FXN: variants seen among roughly 807,000 people sequenced by gnomAD.
FXN encodes frataxin, also known as frataxin, mitochondrial.
A neutral mutation model predicts 22.4 loss-of-function variants in FXN; 14 were observed. That is an observed-to-expected ratio of 0.62 (90% confidence interval 0.41 to 0.98). The LOEUF (loss-of-function observed/expected upper bound fraction) is 0.98, where lower values mean the gene tolerates loss of function less well. FXN is among the 50% of genes least tolerant of loss of function. The pLI, the probability that FXN is intolerant of heterozygous loss-of-function variation, is 0.00. For synonymous variants in FXN, 120 were observed against 114.1 expected, an observed-to-expected ratio of 1.05 and a Z score of -0.33; for missense variants, 267 against 268.4, an observed-to-expected ratio of 0.99 and a Z score of 0.04.
intron 2 of FXN, among the ~76,000 whole-genome samples, chr9:69,047,537 C>T (rs777189440): frequency 2.2e-4 from 33 of 152,168 alleles, no homozygotes; most frequent in Non-Finnish European, 4.3e-4. Flanking sequence ...TTCAGCCTCT[C>T]GAGAGGCTCC....
Position 69,077,693 on chromosome 9 carries a change from G to A in FXN, c.*4931G>A, listed in dbSNP as rs1832395037. The A allele has an allele frequency of 3.1e-6, 3 of 965,112 alleles. No individual in the cohort carries two copies. Among genetic ancestry groups the A allele is most frequent in the African/African-American group, 3.5e-5 (2 of 56,810 alleles). The allele number at this position is 965,112 out of a possible 1,614,324, so 59.8% of individuals were successfully genotyped here. On this transcript the variant is annotated 3_prime_UTR_variant, in exon 5 of 5. Transcript: ENST00000484259. Reference sequence around the variant, plus strand: ...ACCTGTAATCCCAGCACTTTGAGAGGCTGAGGCAGGTGGATCACCTGAGGT... The same window carrying A: ...ACCTGTAATCCCAGCACTTTGAGAGACTGAGGCAGGTGGATCACCTGAGGT...
intron 1 of FXN, among the ~76,000 whole-genome samples, chr9:69,036,576 T>C (rs1489163346): frequency 1.3e-5 from 2 of 152,218 alleles, no homozygotes; most frequent in Non-Finnish European, 2.9e-5. Context: ...CGCAGAGCTG[T>C]GTGACCTTGG....
chr9:69,050,306 G>A (rs1273216192), intron 2 of FXN, among the ~76,000 whole-genome samples: 2 of 152,196 alleles, frequency 1.3e-5, no homozygotes, highest in Non-Finnish European at 2.9e-5. Flanking sequence ...TACTTGGGCA[G>A]TTTCCAGTTT....
In FXN at chr9:69,037,169, ATC is replaced by A. The variant is rs572917170; in HGVS notation, c.165+1225_165+1226del. 2.5e-4 allele frequency among the ~76,000 whole-genome samples: 38 copies of A among 151,504 alleles called. No individual in the cohort carries two copies. In the South Asian group the frequency reaches 8.0e-3, roughly 32 times the overall value. On this transcript the variant is annotated intron_variant, in intron 1 of 4. Coordinates refer to ENST00000484259, the MANE Select transcript of FXN (RefSeq NM_000144.5). The stretch of plus-strand genomic sequence containing the variant: ...CAGGACGCGGTGGCTCATGCCCATA[ATC>A]TCAGCACTTTGGGAGGCCTAGGAAG...
At chr9:69,042,163 G>A (rs1442432975) in intron 1 of FXN, among the ~76,000 whole-genome samples, 1 of 151,888 alleles carries the variant, frequency 6.6e-6, no homozygotes, top group Non-Finnish European at 1.5e-5. Flanking sequence ...ACTTGAACCC[G>A]GGAGGCGGAG....
chr9:69,078,035 T>C lies in FXN; in HGVS notation c.*5273T>C. 1.0e-6 allele frequency: 1 copy of C among 985,394 alleles called. No homozygotes were observed. The highest frequency in any genetic ancestry group is 1.2e-6 in the Non-Finnish European group (1 of 829,904). The allele number at this position is 985,394 out of a possible 1,614,324, so 61.0% of individuals were successfully genotyped here. On this transcript the variant is annotated 3_prime_UTR_variant, in exon 5 of 5. Transcript: ENST00000484259. ...CAATTACATTCCTTTCCTACCGCAC[T>C]CTATGATGCTAGCTGAGATTTTTCC...
chr9:69,036,145 T>C, intron 1 of FXN, 198 bp downstream of exon 1: 1 of 345,690 alleles, frequency 2.9e-6, no homozygotes, highest in Non-Finnish European at 4.9e-6. Context: ...GCATTTACAC[T>C]GGCTTCTGCT....
At chr9:69,037,055 C>G (rs1041158938) in intron 1 of FXN, among the ~76,000 whole-genome samples, 1 of 152,020 alleles carries the variant, frequency 6.6e-6, no homozygotes, top group Non-Finnish European at 1.5e-5. Context: ...ACTTCCCACA[C>G]GTGTTATTTG....
At chr9:69,044,364 C>T (rs3793451) in intron 1 of FXN, among the ~76,000 whole-genome samples, 9,871 of 152,250 alleles carry the variant, frequency 0.065, 569 homozygotes, top group East Asian at 0.25. Flanking sequence ...CCTCTCACTT[C>T]TTCAGAGACA....
chr9:69,078,562 G>T lies in FXN; in HGVS notation c.*5800G>T, dbSNP rs974986078. ...GGCCAAGTTTCTTAGCCTGAAAAAT[G>T]TGCTTTTCTGACTGAACTGTTCAGG... On this transcript the variant is annotated 3_prime_UTR_variant, in exon 5 of 5. Transcript: ENST00000484259. The T allele has an allele frequency of 8.4e-5, 83 of 985,440 alleles. 1 individual carries two copies. Among genetic ancestry groups the T allele is most frequent in the Non-Finnish European group, 1.0e-4 (83 of 829,940 alleles). The allele number at this position is 985,440 out of a possible 1,614,324, so 61.0% of individuals were successfully genotyped here.
At chr9:69,042,162 C>T (rs545462786) in intron 1 of FXN, among the ~76,000 whole-genome samples, 3 of 151,218 alleles carry the variant, frequency 2.0e-5, no homozygotes, top group African/African-American at 7.3e-5. Context: ...CACTTGAACC[C>T]GGGAGGCGGA....
chr9:69,077,925 C>T lies in FXN; in HGVS notation c.*5163C>T, dbSNP rs1832400757. The T allele has an allele frequency of 1.0e-6, 1 of 979,330 alleles. No individual in the cohort carries two copies. The highest frequency in any genetic ancestry group is 1.2e-6 in the Non-Finnish European group (1 of 824,564). The allele number at this position is 979,330 out of a possible 1,614,324, so 60.7% of individuals were successfully genotyped here. ...AGCCTGGGTGACAAGAGGGAAACTC[C>T]ATTAAAAAAATGTAATTCCCGTGTC... On this transcript the variant is annotated 3_prime_UTR_variant, in exon 5 of 5. Coordinates refer to ENST00000484259, the MANE Select transcript of FXN (RefSeq NM_000144.5).
At position 69,078,963 on chromosome 9, in the gene FXN, C is replaced by A; in HGVS notation, c.*6201C>A. The A allele has an allele frequency of 1.1e-6, 1 of 924,590 alleles. No individual in the cohort carries two copies. The highest frequency in any genetic ancestry group is 1.3e-6 in the Non-Finnish European group (1 of 774,680). 57.3% of individuals were successfully genotyped at this position (924,590 alleles called of 1,614,324 possible). On this transcript the variant is annotated 3_prime_UTR_variant, in exon 5 of 5. Coordinates refer to ENST00000484259, the MANE Select transcript of FXN (RefSeq NM_000144.5). Reference sequence around the variant, plus strand: ...GTGTCTCCTTTGTTGACTGCTGTTGCCCTAGCATCTTGCACAGTTCCTTGC... The same window carrying A: ...GTGTCTCCTTTGTTGACTGCTGTTGACCTAGCATCTTGCACAGTTCCTTGC...
chr9:69,050,733 T>G (rs896928088), intron 2 of FXN, among the ~76,000 whole-genome samples: 1 of 152,164 alleles, frequency 6.6e-6, no homozygotes, highest in Non-Finnish European at 1.5e-5. Context: ...CCAACTTACT[T>G]GCCTATCAGC....
At chr9:69,041,274 T>C (rs1224635536) in intron 1 of FXN, among the ~76,000 whole-genome samples, 2 of 152,236 alleles carry the variant, frequency 1.3e-5, no homozygotes, top group Non-Finnish European at 2.9e-5. Context: ...GTATCTGTTC[T>C]GCTATGGCTT....
intron 3 of FXN, among the ~76,000 whole-genome samples, chr9:69,056,442 C>T (rs1394333481): frequency 1.3e-5 from 2 of 152,188 alleles, no homozygotes; most frequent in Non-Finnish European, 2.9e-5. Context: ...CCCATGTTCA[C>T]CTTAGGCAGA....
intron 2 of FXN, among the ~76,000 whole-genome samples, chr9:69,049,224 T>C (rs1021413674): frequency 5.9e-5 from 9 of 152,214 alleles, no homozygotes; most frequent in African/African-American, 1.9e-4. Flanking sequence ...CTGTCAGGTA[T>C]AAAGTCGGTT....
intron 1 of FXN, among the ~76,000 whole-genome samples, chr9:69,039,406 A>G (rs964259316): frequency 6.6e-6 from 1 of 152,190 alleles, no homozygotes; most frequent in Non-Finnish European, 1.5e-5. Flanking sequence ...ACCACATGGG[A>G]CAGCATATTT....
intron 4 of FXN, among the ~76,000 whole-genome samples, chr9:69,068,795 A>C (rs1338620574): frequency 6.6e-6 from 1 of 152,194 alleles, no homozygotes; most frequent in Non-Finnish European, 1.5e-5. Flanking sequence ...GCCAGAGGCC[A>C]GTCCTTGATT....
Sources: gnomAD v4.1 joint callset for allele counts (sites outside exome capture counted in the v4.1 genomes callset) on GRCh38, gnomAD v4.1.1 for gene constraint, MANE v1.5 for transcripts, NCBI Gene and HGNC (gene_info 2026-07-23, HGNC 2026-07-21) for gene names.